Variants in CREB5 observed in about 807,000 individuals in gnomAD.
The protein encoded by CREB5 is cAMP responsive element binding protein 5.
A neutral mutation model predicts 57.1 loss-of-function variants in CREB5; 19 were observed. The observed-to-expected ratio is 0.33, with a 90% CI of 0.23 to 0.49. The LOEUF (loss-of-function observed/expected upper bound fraction) is 0.49. Among genes scored for constraint, CREB5 ranks in the 20% least tolerant of loss-of-function variants. The pLI is 0.99. For missense variants in CREB5, 579 were observed against 671.6 expected (o/e 0.86, Z 1.52); for synonymous variants, 238 against 238.3 (o/e 1.00, Z 0.01).
chr7:28,309,940 A>G (rs1001389946), intron 1 of CREB5, among the ~76,000 whole-genome samples: 6 of 150,638 alleles, frequency 4.0e-5, no homozygotes, highest in African/African-American at 1.5e-4. Flanking sequence ...GACATTAGTG[A>G]GGCTCAAAAC....
chr7:28,496,559 G>A (rs146655991), intron 3 of CREB5, among the ~76,000 whole-genome samples: 27 of 152,168 alleles, frequency 1.8e-4, no homozygotes, highest in African/African-American at 6.5e-4. Context: ...AAAAGATGAG[G>A]GCCCTTGATC....
At chr7:28,640,192 A>T (rs763330418) in intron 5 of CREB5, among the ~76,000 whole-genome samples, 32 of 152,204 alleles carry the variant, frequency 2.1e-4, no homozygotes, top group Non-Finnish European at 8.8e-5. Context: ...AGCCTCAGCC[A>T]CAGAGCGTAA....
intron 7 of CREB5, among the ~76,000 whole-genome samples, chr7:28,800,675 T>G (rs1303269105): frequency 1.3e-5 from 2 of 152,200 alleles, no homozygotes; most frequent in Non-Finnish European, 2.9e-5. Context: ...TCCTGGAAAT[T>G]CTTTACCATC....
chr7:28,459,000 T>C (rs177579), intron 1 of CREB5, among the ~76,000 whole-genome samples: 125,738 of 152,124 alleles, frequency 0.83, 52,139 homozygotes, highest in East Asian at 1. Context: ...GGGTCGATGT[T>C]GTGCAGATCT....
intron 5 of CREB5, among the ~76,000 whole-genome samples, chr7:28,647,224 C>G (rs879711351): frequency 6.6e-6 from 1 of 151,368 alleles, no homozygotes; most frequent in African/African-American, 2.4e-5. Flanking sequence ...TGGCCACTAT[C>G]ACTGCTGAAC....
intron 1 of CREB5, among the ~76,000 whole-genome samples, chr7:28,423,557 G>C (rs992656210): frequency 6.6e-6 from 1 of 152,064 alleles, no homozygotes; most frequent in Non-Finnish European, 1.5e-5. Flanking sequence ...TTGATTAACT[G>C]GAAGATGAGG....
intron 7 of CREB5, among the ~76,000 whole-genome samples, chr7:28,755,606 T>C (rs900294058): frequency 1.3e-5 from 2 of 152,182 alleles, no homozygotes; most frequent in African/African-American, 4.8e-5. Flanking sequence ...AAGATAAATC[T>C]GGCAGTGATG....
Position 28,823,462 on chromosome 7 carries a change from G to A in CREB5, c.*4183G>A, listed in dbSNP as rs1439390272. 6.6e-6 allele frequency: 1 copy of A among 152,380 alleles called. No individual in the cohort carries two copies. Among genetic ancestry groups the A allele is most frequent in the African/African-American group, 2.4e-5 (1 of 41,364 alleles). 9.4% of individuals were successfully genotyped at this position (152,380 alleles called of 1,614,324 possible). A position where few individuals can be genotyped will look rare whatever the true frequency, so the allele number is the denominator to read the frequency against. ...AGTTATGTGTATTTTCATTTTTCAG[G>A]GTTTCAAATGGCTATTCTCCATCAT... On this transcript the variant is annotated 3_prime_UTR_variant, in exon 11 of 11. Transcript: ENST00000357727.
At chr7:28,326,140 G>GTA (rs955308704) in intron 1 of CREB5, among the ~76,000 whole-genome samples, 1 of 151,132 alleles carries the variant, frequency 6.6e-6, no homozygotes, top group Non-Finnish European at 1.5e-5. Flanking sequence ...GACAGAACTG[G>GTA]TACACACACA....
chr7:28,507,548 T>G (rs1792529717), intron 3 of CREB5, 68 bp from the exon 4 acceptor site: 1 of 1,540,700 alleles, frequency 6.5e-7, no homozygotes, highest in African/African-American at 1.4e-5. Context: ...TTAGTGAATC[T>G]AGCTCATGCT....
In CREB5 at chr7:28,316,534, G is replaced by A. The variant is rs147873514; in HGVS notation, c.-25+17093G>A. Among the ~76,000 whole-genome samples the A allele has an allele frequency of 4.4e-4, 67 of 152,128 alleles. 1 individual carries two copies. In the East Asian group the frequency reaches 7.1e-3, roughly 16 times the overall value. On this transcript the variant is annotated intron_variant, in intron 1 of 9. Transcript: ENST00000396299. ...TTGTCTTTGTTAGGAGTCAGTGAAT[G>A]CTGCAGAAATGCACCGCCAGATCCT...
chr7:28,302,070 G>T (rs1429080577), intron 1 of CREB5, among the ~76,000 whole-genome samples: 2 of 152,056 alleles, frequency 1.3e-5, no homozygotes, highest in African/African-American at 4.8e-5. Context: ...TATTTGAGTG[G>T]CCTATGTGTC....
chr7:28,573,332 C>G (rs1795776913), intron 5 of CREB5, among the ~76,000 whole-genome samples: 2 of 152,110 alleles, frequency 1.3e-5, no homozygotes, highest in Admixed American at 1.3e-4. Context: ...TTATCACAAC[C>G]TCAAATATTT....
intron 1 of CREB5, among the ~76,000 whole-genome samples, chr7:28,461,799 G>C (rs1028070608): frequency 1.1e-4 from 16 of 152,186 alleles, no homozygotes; most frequent in African/African-American, 3.6e-4. Context: ...CAGAAGATAT[G>C]TAAATCCATT....
intron 5 of CREB5, among the ~76,000 whole-genome samples, chr7:28,695,438 G>C (rs180945271): frequency 2.0e-5 from 3 of 152,166 alleles, no homozygotes; most frequent in Non-Finnish European, 2.9e-5. Context: ...GGGGATGGTG[G>C]GGTGGGAGGG....
chr7:28,627,073 A>G (rs1356665203), intron 5 of CREB5, among the ~76,000 whole-genome samples: 3 of 152,192 alleles, frequency 2.0e-5, no homozygotes, highest in Non-Finnish European at 4.4e-5. Flanking sequence ...CCTCCACCCC[A>G]TCCATTCTGC....
intron 5 of CREB5, chr7:28,615,705 A>C (rs1212158202): frequency 6.6e-6 from 1 of 152,352 alleles, no homozygotes; most frequent in East Asian, 1.9e-4. Flanking sequence ...AGGAGAAATC[A>C]TGACTAACCT....
At chr7:28,437,080 C>A (rs547580765) in intron 1 of CREB5, among the ~76,000 whole-genome samples, 1 of 152,264 alleles carries the variant, frequency 6.6e-6, no homozygotes, top group African/African-American at 2.4e-5. Flanking sequence ...GAACTCAGCT[C>A]ACACTCATAA....
chr7:28,612,972 G>A (rs1251742057), intron 5 of CREB5, among the ~76,000 whole-genome samples: 1 of 152,128 alleles, frequency 6.6e-6, no homozygotes, highest in African/African-American at 2.4e-5. Context: ...CTCAAATGTA[G>A]TCGTTATGGG....
Sources: allele counts gnomAD v4.1 joint callset (sites outside exome capture counted in the v4.1 genomes callset), GRCh38; gene constraint gnomAD v4.1.1; transcripts MANE v1.5; gene names NCBI Gene and HGNC (gene_info 2026-07-23, HGNC 2026-07-21).